TPD52: variants seen among roughly 807,000 people sequenced by gnomAD.
The protein encoded by TPD52 is prostate and colon associated protein.
A neutral mutation model predicts 31.3 loss-of-function variants in TPD52; 17 were observed. The ratio of observed to expected loss-of-function variants is 0.54; its 90% CI spans 0.37 to 0.82. The LOEUF is 0.82. TPD52 is among the 40% of genes least tolerant of loss of function. The pLI, the probability that TPD52 is intolerant of heterozygous loss-of-function variation, is 0.00. For synonymous variants in TPD52, 83 were observed against 89.6 expected (o/e 0.93, Z 0.42); for missense variants, 212 against 240.1 (o/e 0.88, Z 0.77).
chr8:80,068,015 A>T (rs1813353241), intron 1 of TPD52, among the ~76,000 whole-genome samples: 1 of 151,942 alleles, frequency 6.6e-6, no homozygotes, highest in South Asian at 2.1e-4. Context: ...AGTATAGATT[A>T]TTGAAAACCA....
chr8:80,115,861 T>C (rs189661789), intron 1 of TPD52, among the ~76,000 whole-genome samples: 1 of 151,826 alleles, frequency 6.6e-6, no homozygotes, highest in East Asian at 1.9e-4. Context: ...TGGCAAAAAA[T>C]GTTCAACAAG....
chr8:80,129,059 T>C (rs1294550175), intron 1 of TPD52, among the ~76,000 whole-genome samples: 1 of 152,114 alleles, frequency 6.6e-6, no homozygotes, highest in Non-Finnish European at 1.5e-5. Context: ...ACATAGTCAT[T>C]CACTTATTTT....
At chr8:80,155,483 G>A (rs1019308031) in intron 1 of TPD52, among the ~76,000 whole-genome samples, 10 of 152,164 alleles carry the variant, frequency 6.6e-5, no homozygotes, top group Non-Finnish European at 1.5e-4. Flanking sequence ...CAAGGCTCAG[G>A]GTTGGAATAG....
chr8:80,114,839 C>T (rs970060436), intron 1 of TPD52, among the ~76,000 whole-genome samples: 2 of 152,194 alleles, frequency 1.3e-5, no homozygotes, highest in Admixed American at 6.5e-5. Context: ...GTTTCAAACA[C>T]ATCCCTGAAT....
chr8:80,138,338 G>A (rs1159531047), intron 1 of TPD52, among the ~76,000 whole-genome samples: 1 of 152,174 alleles, frequency 6.6e-6, no homozygotes, highest in African/African-American at 2.4e-5. Flanking sequence ...TCTTCCAACT[G>A]AAATCTGATT....
rs139906866 is a variant in TPD52 at position 80,135,210 on chromosome 8, T to C, written c.19+36215A>G. 3.6e-3 allele frequency among the ~76,000 whole-genome samples: 550 copies of C among 152,348 alleles called. 4 individuals are homozygous for C. Among genetic ancestry groups the C allele is most frequent in the Non-Finnish European group, 5.4e-3 (369 of 68,026 alleles). The stretch of plus-strand genomic sequence containing the variant: ...GATGTACACACGGTTGTTGCCAGAA[T>C]TGAATAGCTAACAAGCTGACTAAAA... On this transcript the variant is annotated intron_variant, in intron 1 of 7. Coordinates refer to ENST00000518937, the MANE Select transcript of TPD52 (RefSeq NM_001025253.3).
At chr8:80,101,713 T>C (rs1438258050) in intron 1 of TPD52, among the ~76,000 whole-genome samples, 3 of 151,970 alleles carry the variant, frequency 2.0e-5, no homozygotes, top group Admixed American at 1.3e-4. Flanking sequence ...CCAGGTTCTT[T>C]GAAACAGCCA....
chr8:80,083,838 A>G (rs1413666757), intron 1 of TPD52, among the ~76,000 whole-genome samples: 2 of 152,116 alleles, frequency 1.3e-5, no homozygotes, highest in Non-Finnish European at 2.9e-5. Flanking sequence ...GGATAATTCC[A>G]CTTGGCTCTT....
At chr8:80,137,903 A>G (rs1343178633) in intron 1 of TPD52, among the ~76,000 whole-genome samples, 1 of 151,742 alleles carries the variant, frequency 6.6e-6, no homozygotes, top group Non-Finnish European at 1.5e-5. Flanking sequence ...GTGCTACTGC[A>G]CTCCAGCCTG....
At chr8:80,110,106 T>A (rs1466106115) in intron 1 of TPD52, among the ~76,000 whole-genome samples, 1 of 152,218 alleles carries the variant, frequency 6.6e-6, no homozygotes, top group Non-Finnish European at 1.5e-5. Flanking sequence ...TCCTGACTAA[T>A]CACCCTCTGG....
At chr8:80,033,495 G>C (rs978074957), downstream of TPD52, among the ~76,000 whole-genome samples, 4 of 152,174 alleles carry the variant, frequency 2.6e-5, no homozygotes, top group Non-Finnish European at 5.9e-5. Context: ...TGTTATAGCA[G>C]CTCTGGCTCA....
intron 2 of TPD52, among the ~76,000 whole-genome samples, chr8:80,058,689 T>G (rs1206388551): frequency 2.0e-5 from 3 of 152,116 alleles, no homozygotes; most frequent in African/African-American, 7.2e-5. Flanking sequence ...TCCCAGCTAC[T>G]CAGGAGGCTG....
chr8:80,146,320 G>A lies in TPD52; in HGVS notation c.19+25105C>T, dbSNP rs1810192686. Among the ~76,000 whole-genome samples the A allele has an allele frequency of 2.6e-5, 4 of 152,148 alleles. No individual in the cohort carries two copies. In the South Asian group the frequency reaches 8.3e-4, roughly 31 times the overall value. On this transcript the variant is annotated intron_variant, in intron 1 of 7. Coordinates refer to ENST00000518937, the MANE Select transcript of TPD52 (RefSeq NM_001025253.3). ...TTCTTATTTACCAGGTGTGCTGGTA[G>A]GGGAAAAAAACAGTTGACTATCACT...
intron 1 of TPD52, among the ~76,000 whole-genome samples, chr8:80,122,551 TC>T (rs1808330431): frequency 6.6e-6 from 1 of 152,078 alleles, no homozygotes; most frequent in Non-Finnish European, 1.5e-5. Context: ...AGTCCACCTA[TC>T]AATTAAATGG....
chr8:80,034,405 T>C (rs1363880574), downstream of TPD52, among the ~76,000 whole-genome samples: 1 of 152,116 alleles, frequency 6.6e-6, no homozygotes, highest in Non-Finnish European at 1.5e-5. Context: ...CTGCCACTTC[T>C]GCAGAGCCTG....
chr8:80,093,889 T>A (rs1400822918), intron 1 of TPD52, among the ~76,000 whole-genome samples: 1 of 152,216 alleles, frequency 6.6e-6, no homozygotes, highest in African/African-American at 2.4e-5. Flanking sequence ...CAATGCTACA[T>A]GTAAACTCAA....
At chr8:80,074,848 A>G (rs994834328) in intron 1 of TPD52, among the ~76,000 whole-genome samples, 6 of 152,210 alleles carry the variant, frequency 3.9e-5, no homozygotes, top group African/African-American at 1.2e-4. Flanking sequence ...GTAAAACCTT[A>G]GGGGGAAAAC....
intron 1 of TPD52, among the ~76,000 whole-genome samples, chr8:80,152,854 G>A (rs1439079944): frequency 1.3e-5 from 2 of 150,834 alleles, no homozygotes; most frequent in African/African-American, 2.5e-5. Context: ...TGATAGGCCT[G>A]CCAAAGACAG....
Position 80,038,247 on chromosome 8 carries a change from G to C in TPD52, c.505-12C>G, listed in dbSNP as rs1810050674. The C allele has an allele frequency of 1.2e-6, 2 of 1,609,540 alleles. No individual in the cohort carries two copies. Among genetic ancestry groups the C allele is most frequent in the African/African-American group, 2.7e-5 (2 of 74,460 alleles). ...CCCCCTACTTTAGACTTAAAAAAAA[G>C]TTCAAAAAAGGGAAAGACATTATGA... On this transcript the variant is annotated splice_polypyrimidine_tract_variant and intron_variant, in intron 7 of 7. Coordinates refer to ENST00000518937, the MANE Select transcript of TPD52 (RefSeq NM_001025253.3).
Sources: gnomAD v4.1 joint callset for allele counts (sites outside exome capture counted in the v4.1 genomes callset) on GRCh38, gnomAD v4.1.1 for gene constraint, MANE v1.5 for transcripts, NCBI Gene and HGNC (gene_info 2026-07-23, HGNC 2026-07-21) for gene names.